RAP1A: variants seen among roughly 807,000 people sequenced by gnomAD.
RAP1A encodes the protein RAP1A, member of RAS oncogene family, also known as ras-related protein Rap-1A.
RAP1A carries 6 observed loss-of-function variants against 26.4 expected under a neutral mutation model. The observed-to-expected ratio is 0.23, with a 90% CI of 0.12 to 0.45. The LOEUF is 0.45. Ranked by LOEUF, RAP1A falls within the 20% of genes least tolerant of loss-of-function variation. The pLI is 0.99. For synonymous variants in RAP1A, 73 were observed against 79.4 expected (o/e 0.92, Z 0.43); for missense variants, 121 against 217.2 (o/e 0.56, Z 2.78).
At chr1:111,565,553 T>C (rs17028002) in intron 1 of RAP1A, among the ~76,000 whole-genome samples, 7,256 of 152,278 alleles carry the variant, frequency 0.048, 564 homozygotes, top group African/African-American at 0.16. Flanking sequence ...AACTGAAGTC[T>C]AAACCTGTGC....
chr1:111,606,368 A>G (rs552286862), intron 1 of RAP1A, among the ~76,000 whole-genome samples: 1 of 152,316 alleles, frequency 6.6e-6, no homozygotes, highest in South Asian at 2.1e-4. Flanking sequence ...TTCTCAGAGC[A>G]CGAAGAACCT....
chr1:111,668,415 T>C (rs551522054), intron 1 of RAP1A, among the ~76,000 whole-genome samples: 60 of 152,298 alleles, frequency 3.9e-4, no homozygotes, highest in African/African-American at 1.1e-3. Flanking sequence ...ATAAGAATGA[T>C]GGGATTATGA....
chr1:111,581,723 C>T (rs1658261788), intron 1 of RAP1A, among the ~76,000 whole-genome samples: 1 of 152,160 alleles, frequency 6.6e-6, no homozygotes, highest in African/African-American at 2.4e-5. Flanking sequence ...GTAGGTACTG[C>T]AGACTCAAAG....
chr1:111,582,311 AG>A (rs958347390), intron 1 of RAP1A, among the ~76,000 whole-genome samples: 9 of 152,194 alleles, frequency 5.9e-5, no homozygotes, highest in African/African-American at 2.2e-4. Flanking sequence ...GTACCATGGC[AG>A]CCATGTAGCT....
chr1:111,627,905 G>T (rs1186428342), intron 1 of RAP1A, among the ~76,000 whole-genome samples: 3 of 151,406 alleles, frequency 2.0e-5, no homozygotes, highest in Non-Finnish European at 2.9e-5. Flanking sequence ...ATAGATGAGG[G>T]GGGTAGTCAC....
intron 1 of RAP1A, chr1:111,649,577 G>C: frequency 4.5e-6 from 1 of 223,330 alleles, no homozygotes; most frequent in Non-Finnish European, 9.4e-6. Flanking sequence ...GAGAGGATAG[G>C]ACTCAGGCTT....
At chr1:111,619,712 G>A (rs563936106), upstream of RAP1A, 5 of 392,958 alleles carry the variant, frequency 1.3e-5, no homozygotes, top group South Asian at 4.0e-4. Flanking sequence ...CCCAGCCATC[G>A]CCAACTTGGA....
chr1:111,643,915 C>A (rs1659971771), intron 1 of RAP1A, among the ~76,000 whole-genome samples: 1 of 152,214 alleles, frequency 6.6e-6, no homozygotes, highest in African/African-American at 2.4e-5. Context: ...TATGGCAGGC[C>A]AACACATTGC....
chr1:111,628,289 G>A (rs1199590240), intron 1 of RAP1A, among the ~76,000 whole-genome samples: 2 of 152,148 alleles, frequency 1.3e-5, no homozygotes, highest in East Asian at 1.9e-4. Flanking sequence ...ATGCAAATGG[G>A]CTGTGGTGAG....
At chr1:111,686,845 A>G (rs1183400953) in intron 1 of RAP1A, among the ~76,000 whole-genome samples, 1 of 151,946 alleles carries the variant, frequency 6.6e-6, no homozygotes, top group Non-Finnish European at 1.5e-5. Context: ...AAGAAAAAAT[A>G]TTTTTATATC....
chr1:111,650,021 A>G (rs1194064544), intron 1 of RAP1A, among the ~76,000 whole-genome samples: 1 of 150,726 alleles, frequency 6.6e-6, no homozygotes, highest in Non-Finnish European at 1.5e-5. Flanking sequence ...TTATTTTAAT[A>G]GTGAAAACTT....
chr1:111,564,829 T>TA (rs77905905), intron 1 of RAP1A, among the ~76,000 whole-genome samples: 27 of 145,738 alleles, frequency 1.9e-4, no homozygotes, highest in East Asian at 6.0e-4. Context: ...CCCCAACTCT[T>TA]AAAAAAAAAA....
chr1:111,707,558 A>G (rs562544670), intron 6 of RAP1A, among the ~76,000 whole-genome samples: 1 of 152,326 alleles, frequency 6.6e-6, no homozygotes, highest in African/African-American at 2.4e-5. Flanking sequence ...AATCCTAAAA[A>G]TTGATGACAC....
chr1:111,612,300 CT>C (rs1408047133), intron 1 of RAP1A, among the ~76,000 whole-genome samples: 26 of 152,340 alleles, frequency 1.7e-4, no homozygotes, highest in Non-Finnish European at 4.4e-5. Flanking sequence ...ATCCTTGACT[CT>C]TTCCAAGATT....
chr1:111,672,750 A>G (rs1161830032), intron 1 of RAP1A, among the ~76,000 whole-genome samples: 7 of 152,198 alleles, frequency 4.6e-5, no homozygotes, highest in South Asian at 4.1e-4. Context: ...CCTGTATTCA[A>G]GGAGAGGGGA....
At chr1:111,599,387 A>G (rs1658624604) in intron 1 of RAP1A, among the ~76,000 whole-genome samples, 1 of 152,038 alleles carries the variant, frequency 6.6e-6, no homozygotes, top group South Asian at 2.1e-4. Flanking sequence ...TTGTATTTTT[A>G]GTAGAGATGG....
At chr1:111,549,788 A>G (rs1480827022) in intron 1 of RAP1A, among the ~76,000 whole-genome samples, 1 of 152,090 alleles carries the variant, frequency 6.6e-6, no homozygotes, top group African/African-American at 2.4e-5. Flanking sequence ...ATCTAGAGCT[A>G]CAGGTGCACA....
intron 2 of RAP1A, 95 bp downstream of exon 2, chr1:111,691,512 G>A (rs1661666771): frequency 8.8e-7 from 1 of 1,141,778 alleles, no homozygotes; most frequent in Admixed American, 1.9e-5. Context: ...AAGAGAAAAG[G>A]TGGCATTATT....
At chr1:111,634,823 T>C (rs1275338903) in intron 1 of RAP1A, among the ~76,000 whole-genome samples, 1 of 151,984 alleles carries the variant, frequency 6.6e-6, no homozygotes, top group Non-Finnish European at 1.5e-5. Context: ...TTTTGTATTT[T>C]TAGTAGAGAC....
Sources: allele counts gnomAD v4.1 joint callset (sites outside exome capture counted in the v4.1 genomes callset), GRCh38; gene constraint gnomAD v4.1.1; transcripts MANE v1.5; gene names NCBI Gene and HGNC (gene_info 2026-07-23, HGNC 2026-07-21).